DISP3: variants seen among roughly 807,000 people sequenced by gnomAD.
DISP3 encodes the protein protein dispatched homolog 3.
Under a neutral mutation model 135.3 loss-of-function variants are expected in DISP3, and 101 were observed. That is an observed-to-expected ratio of 0.75 (90% CI 0.64 to 0.88). The LOEUF (loss-of-function observed/expected upper bound fraction) is 0.88, where lower values mean the gene tolerates loss of function less well. DISP3 is among the 40% of genes least tolerant of loss of function. DISP3 has a pLI of 0.00. For synonymous variants in DISP3, 856 were observed against 817.0 expected, an observed-to-expected ratio of 1.05 and a Z score of -0.81; for missense variants, 1,713 against 1,878.6, an observed-to-expected ratio of 0.91 and a Z score of 1.63.
chr1:11,523,942 G>T lies in DISP3; in HGVS notation c.2363G>T (p.Gly788Val). 1 of 1,611,812 alleles carries T rather than the reference G, an allele frequency of 6.2e-7. No homozygotes were observed. The highest frequency in any genetic ancestry group is 8.5e-7 in the Non-Finnish European group (1 of 1,178,794). The part of the protein sequence containing the change: ...AEGISCITCS[G>V]LFQEKPHSLQ... ...TCCTTGACATGGCGCTGGGGGGCAG[G>T]TCTGTTCCAGGAGAAGCCCCACAGC... Residue 788 changes from glycine (G) to valine (V), a missense_variant and splice_region_variant, in exon 11 of 21, where the codon GGT becomes GTT. Physicochemically the swap from Gly to Val is moderately radical, Grantham distance 109. This residue lies in a region of DISP3 where 1,142 missense variants were observed against 1,384.6 expected (regional missense o/e 0.82). Transcript: ENST00000294484.
In DISP3 at chr1:11,519,207, C is replaced by T; in HGVS notation, c.1890-148C>T. 1.0e-6 allele frequency: 1 copy of T among 977,900 alleles called. No individual in the cohort carries two copies. The highest frequency in any genetic ancestry group is 1.5e-6 in the Non-Finnish European group (1 of 662,042). The allele number at this position is 977,900 out of a possible 1,614,324, so 60.6% of individuals were successfully genotyped here. A position where few individuals can be genotyped will look rare whatever the true frequency, so the allele number is the denominator to read the frequency against. ...TGGTACTAGAAAGAAACCAGGTGAC[C>T]AGCTCCCAGAAGTCTGGGGTGCTCA... On this transcript the variant is annotated intron_variant, in intron 7 of 20. Transcript: ENST00000294484. The surrounding 1 kb of genome is among the most constrained non-coding windows in gnomAD (Gnocchi z 4.3).
At chr1:11,489,838 C>A (rs1471346597) in intron 1 of DISP3, among the ~76,000 whole-genome samples, 1 of 152,140 alleles carries the variant, frequency 6.6e-6, no homozygotes. Flanking sequence ...GAACTTGCAG[C>A]AAGATCCCAA....
chr1:11,507,146 T>C (rs1264614431), intron 3 of DISP3, among the ~76,000 whole-genome samples: 1 of 152,158 alleles, frequency 6.6e-6, no homozygotes, highest in African/African-American at 2.4e-5. Flanking sequence ...TGTTATTTCC[T>C]CCAGAGAAAA....
At position 11,492,109 on chromosome 1, in the gene DISP3, G is replaced by A. The variant is rs368340003; in HGVS notation, c.-3-8881G>A. 5.7e-3 allele frequency among the ~76,000 whole-genome samples: 691 copies of A among 120,860 alleles called. 7 individuals carry two copies. The highest frequency in any genetic ancestry group is 0.03 in the East Asian group (119 of 3,968). The allele number at this position is 120,860 out of a possible 152,430, so 79.3% of individuals were successfully genotyped here. A position where few individuals can be genotyped will look rare whatever the true frequency, so the allele number is the denominator to read the frequency against. The stretch of plus-strand genomic sequence containing the variant: ...TGCACTCCAGCCTGGGCGACAGAGC[G>A]AGACTCCGTCTCAAAAAAAAAAAAA... On this transcript the variant is annotated intron_variant, in intron 1 of 20. Coordinates refer to ENST00000294484, the MANE Select transcript of DISP3 (RefSeq NM_020780.2).
Position 11,529,942 on chromosome 1 carries a change from CACGTCATT to C in DISP3, c.3086_3093del (p.His1029ArgfsTer5). On this transcript the variant is annotated frameshift_variant, in exon 15 of 21. Coordinates refer to ENST00000294484, the MANE Select transcript of DISP3 (RefSeq NM_020780.2). LOFTEE classifies it high-confidence loss of function. The surrounding 1 kb of genome is among the most constrained non-coding windows in gnomAD (Gnocchi z 4.7). ...CAACCGCACTCGGCAGGTGGACAAC[CACGTCATT>C]GGAGACCCGGTACGGGGCATGCGTC... is the stretch of plus-strand genomic sequence containing the variant. 6.2e-7 allele frequency: 1 copy of C among 1,613,270 alleles called. No homozygotes were observed. The highest frequency in any genetic ancestry group is 1.3e-5 in the African/African-American group (1 of 75,052).
At chr1:11,510,686 T>TA (rs889040395) in intron 3 of DISP3, among the ~76,000 whole-genome samples, 1 of 152,094 alleles carries the variant, frequency 6.6e-6, no homozygotes, top group African/African-American at 2.4e-5. Context: ...TAACATCTCT[T>TA]ATAGGCCGAG....
At chr1:11,480,736 G>T (rs1372857032) in intron 1 of DISP3, among the ~76,000 whole-genome samples, 1 of 148,744 alleles carries the variant, frequency 6.7e-6, no homozygotes, top group Non-Finnish European at 1.5e-5. Flanking sequence ...TATGGGCGAA[G>T]CATGGGGATT....
chr1:11,522,244 C>G (rs1458154313), intron 10 of DISP3, among the ~76,000 whole-genome samples: 1 of 152,162 alleles, frequency 6.6e-6, no homozygotes, highest in Non-Finnish European at 1.5e-5. Context: ...TTCCAGCTCA[C>G]AGGAGCAGAT....
intron 1 of DISP3, among the ~76,000 whole-genome samples, chr1:11,488,784 G>A (rs532615996): frequency 6.6e-6 from 1 of 152,306 alleles, no homozygotes; most frequent in South Asian, 2.1e-4. Context: ...ACCACAGTGA[G>A]AAGGGTACTG....
At chr1:11,535,359 C>T in intron 19 of DISP3, 119 bp from the exon 20 acceptor site, 1 of 1,393,820 alleles carries the variant, frequency 7.2e-7, no homozygotes, top group Non-Finnish European at 9.7e-7. Context: ...CAGGGGTCCC[C>T]TCGGTGTGCC....
In DISP3 at chr1:11,501,831, T is replaced by A; in HGVS notation, c.839T>A (p.Leu280Gln). 1.2e-6 allele frequency: 2 copies of A among 1,611,340 alleles called. No homozygotes were observed. Among genetic ancestry groups the A allele is most frequent in the Non-Finnish European group, 1.7e-6 (2 of 1,178,798 alleles). The change falls in exon 2 of 21, where the codon CTG becomes CAG. Residue 280 changes from leucine to glutamine, a missense_variant. Physicochemically the swap from Leu to Gln is moderately radical, Grantham distance 113. Transcript: ENST00000294484. This position sits in a 1 kb window ranked among gnomAD's most constrained non-coding sequence, Gnocchi z 4.9. The stretch of plus-strand genomic sequence containing the variant: ...CACTGGCGCATCGAGCTCATCTTCC[T>A]GGCGCGCGGCGACGCGGAGCGCAAC... ...HAHWRIELIF[L>Q]ARGDAERNIF... is the part of the protein sequence containing the mutation.
chr1:11,498,201 T>A (rs1641395522), intron 1 of DISP3, among the ~76,000 whole-genome samples: 1 of 152,212 alleles, frequency 6.6e-6, no homozygotes, highest in Admixed American at 6.5e-5. Context: ...ATAATAACTA[T>A]CGTGCATTCC....
Position 11,516,621 on chromosome 1 carries a change from C to G in DISP3, c.1749+460C>G, listed in dbSNP as rs1031405458. Among the ~76,000 whole-genome samples the G allele has an allele frequency of 6.6e-6, 1 of 152,222 alleles. No homozygotes were observed. The highest frequency in any genetic ancestry group is 2.4e-5 in the African/African-American group (1 of 41,448). On this transcript the variant is annotated intron_variant, in intron 6 of 20. Transcript: ENST00000294484. The surrounding 1 kb of genome is among the most constrained non-coding windows in gnomAD (Gnocchi z 5.1). The stretch of plus-strand genomic sequence containing the variant: ...TGCCTGCTTCTGGCTGCATTTTCCT[C>G]CCTTGTGCTGACTTCCTCTTGCTGC...
Position 11,531,816 on chromosome 1 carries a change from A to G in DISP3, c.3375+106A>G, listed in dbSNP as rs1642583979. On this transcript the variant is annotated intron_variant, in intron 17 of 20. Transcript: ENST00000294484. This position sits in a 1 kb window ranked among gnomAD's most constrained non-coding sequence, Gnocchi z 5.2. Reference sequence around the variant, plus strand: ...GATCGGGGGGGAGATGCTGAGGCCCAGAGAGGTGGAGTGACTTGCCTGAGG... The same window carrying G: ...GATCGGGGGGGAGATGCTGAGGCCCGGAGAGGTGGAGTGACTTGCCTGAGG... 2 of 1,444,154 alleles carry G rather than the reference A, an allele frequency of 1.4e-6. No individual in the cohort carries two copies. Among genetic ancestry groups the G allele is most frequent in the African/African-American group, 1.4e-5 (1 of 70,190 alleles). 89.5% of individuals were successfully genotyped at this position (1,444,154 alleles called of 1,614,324 possible). A position where few individuals can be genotyped will look rare whatever the true frequency, so the allele number is the denominator to read the frequency against.
chr1:11,498,373 T>TGGCTG (rs146855893), intron 1 of DISP3, among the ~76,000 whole-genome samples: 4,588 of 152,252 alleles, frequency 0.03, 89 homozygotes, highest in Non-Finnish European at 0.044. Flanking sequence ...TGGTTGATGC[T>TGGCTG]GGCTGTCAGG....
At chr1:11,526,396 GC>G (rs1642420036) in intron 12 of DISP3, among the ~76,000 whole-genome samples, 1 of 152,162 alleles carries the variant, frequency 6.6e-6, no homozygotes, top group South Asian at 2.1e-4. Flanking sequence ...CTGGCACAGT[GC>G]CTGGCATGGG....
Position 11,520,778 on chromosome 1 carries a change from C to A in DISP3, c.2292C>A (p.Thr764=). Residue 764 remains threonine, a synonymous_variant, in exon 10 of 21, where the codon ACC becomes ACA. Coordinates refer to ENST00000294484, the MANE Select transcript of DISP3 (RefSeq NM_020780.2). This position sits in a 1 kb window ranked among gnomAD's most constrained non-coding sequence, Gnocchi z 4.8. ...CCCCGCTACTCTTCCGGCCTGATACCAACATCCAGGTGCTGCTGGACCTCA... is the reference window on the plus strand; with the variant it reads ...CCCCGCTACTCTTCCGGCCTGATACAAACATCCAGGTGCTGCTGGACCTCA... The part of the protein sequence containing the change: ...SRAPLLFRPD[T]NIQVLLDLKY... 1 of 1,613,592 alleles carries A rather than the reference C, an allele frequency of 6.2e-7. No individual in the cohort carries two copies. Among genetic ancestry groups the A allele is most frequent in the Non-Finnish European group, 8.5e-7 (1 of 1,179,994 alleles).
chr1:11,497,981 C>T (rs1054306982), intron 1 of DISP3, among the ~76,000 whole-genome samples: 3 of 152,196 alleles, frequency 2.0e-5, no homozygotes, highest in Admixed American at 1.3e-4. Context: ...AATATGACAG[C>T]CAAGTAAGTC....
rs1642513660 is a variant in DISP3 at position 11,529,402 on chromosome 1, C to T, written c.2799-154C>T. Among the ~76,000 whole-genome samples, 1 of 152,150 alleles carries T rather than the reference C, an allele frequency of 6.6e-6. No individual in the cohort carries two copies. The highest frequency in any genetic ancestry group is 1.5e-5 in the Non-Finnish European group (1 of 68,020). ...CCCAGCCCAGGGCACATCCCCCAGC[C>T]CTCAACCTGAGAACAAATCCCCATG... On this transcript the variant is annotated intron_variant, in intron 13 of 20. Coordinates refer to ENST00000294484, the MANE Select transcript of DISP3 (RefSeq NM_020780.2). The surrounding 1 kb of genome is among the most constrained non-coding windows in gnomAD (Gnocchi z 4.7).
Sources: gnomAD v4.1 joint callset for allele counts (sites outside exome capture counted in the v4.1 genomes callset) on GRCh38, gnomAD v4.1.1 for gene constraint, gnomAD v4.1.1 regional missense constraint, Gnocchi (gnomAD v3.1) non-coding constraint, MANE v1.5 for transcripts, NCBI Gene and HGNC (gene_info 2026-07-23, HGNC 2026-07-21) for gene names.